FREM3: variants seen among roughly 807,000 people sequenced by gnomAD.
FREM3 encodes the protein FRAS1 related extracellular matrix 3.
Under a neutral mutation model 129.1 loss-of-function variants are expected in FREM3, and 105 were observed. The ratio of observed to expected loss-of-function variants is 0.81; its 90% CI spans 0.69 to 0.96. The LOEUF (loss-of-function observed/expected upper bound fraction) is 0.96. Ranked by LOEUF, FREM3 falls within the 40% of genes least tolerant of loss-of-function variation. The pLI is 0.00. For synonymous variants in FREM3, 1,014 were observed against 1,044.9 expected, an observed-to-expected ratio of 0.97 and a Z score of 0.57; for missense variants, 2,593 against 2,666.3, an observed-to-expected ratio of 0.97 and a Z score of 0.61.
chr4:143,636,461 A>G (rs895329625), intron 2 of FREM3, among the ~76,000 whole-genome samples: 2 of 152,038 alleles, frequency 1.3e-5, no homozygotes, highest in African/African-American at 2.4e-5. Flanking sequence ...GTGAAGAAAA[A>G]TAGAAATCTG....
In FREM3 at chr4:143,700,250, C is replaced by T. The variant is rs534508128; in HGVS notation, c.426G>A (p.Gln142=). ...TGTGAGTCGGGGCGTCGTAGCGCAG[C>T]TGCAGCAGCACCCGGGCGCGTCCGG... The part of the protein sequence containing the change: ...HSPGRARVLL[Q]LRYDAPTHTL... The change falls in exon 1 of 8, where the codon CAG becomes CAA. Residue 142 remains glutamine, a synonymous_variant. Transcript: ENST00000329798. 1 of 1,536,722 alleles carries T rather than the reference C, an allele frequency of 6.5e-7. No homozygotes were observed. Among genetic ancestry groups the T allele is most frequent in the African/African-American group, 1.4e-5 (1 of 73,162 alleles).
intron 6 of FREM3, among the ~76,000 whole-genome samples, chr4:143,596,956 C>T (rs1738494544): frequency 6.6e-6 from 1 of 151,872 alleles, no homozygotes; most frequent in Admixed American, 6.6e-5. Context: ...AAAAATCAAG[C>T]TAGGGCTGGA....
At chr4:143,625,581 G>T (rs768516568) in intron 3 of FREM3, among the ~76,000 whole-genome samples, 2 of 152,224 alleles carry the variant, frequency 1.3e-5, no homozygotes, top group African/African-American at 2.4e-5. Context: ...TTGGCCACAT[G>T]TTGGAAGTGG....
Position 143,660,224 on chromosome 4 carries a change from A to C in FREM3, c.5276-32464T>G, listed in dbSNP as rs1244352286. Among the ~76,000 whole-genome samples, 885 of 151,180 alleles carry C rather than the reference A, an allele frequency of 5.9e-3. 8 individuals are homozygous for C. Among genetic ancestry groups the C allele is most frequent in the African/African-American group, 0.02 (828 of 40,538 alleles). The stretch of plus-strand genomic sequence containing the variant: ...GGTTTTTAATGGTTTTAGGTCTAAC[A>C]TTTAAGTCTTTAATCCATCTTGAAT... On this transcript the variant is annotated intron_variant, in intron 2 of 7. Transcript: ENST00000329798.
chr4:143,699,976 G>T lies in FREM3; in HGVS notation c.700C>A (p.Leu234Ile). 1 of 1,506,838 alleles carries T rather than the reference G, an allele frequency of 6.6e-7. No individual in the cohort carries two copies. 93.3% of individuals were successfully genotyped at this position (1,506,838 alleles called of 1,614,324 possible). The change falls in exon 1 of 8, where the codon CTC (leucine) becomes ATC (isoleucine). Residue 234 changes from leucine to isoleucine, a missense_variant. Physicochemically the swap from Leu to Ile is conservative, Grantham distance 5. Around this residue, in one of 2 missense-constraint regions of FREM3, gnomAD observed 2,276 missense variants for 2,267.2 expected, o/e 1.00. Transcript: ENST00000329798. The surrounding 1 kb of genome is among the most constrained non-coding windows in gnomAD (Gnocchi z 4.2). ...GRLVDAVGAP[L>I]PRGKGVDCEA... ...CAGTCTACGCCCTTGCCCCTGGGGA[G>T]AGGGGCCCCCACCGCGTCCACCAAG...
intron 2 of FREM3, among the ~76,000 whole-genome samples, chr4:143,683,039 G>A (rs932119164): frequency 1.3e-5 from 2 of 152,130 alleles, no homozygotes; most frequent in Non-Finnish European, 2.9e-5. Flanking sequence ...ACCCACTTCC[G>A]GCTTTGAAGA....
chr4:143,593,928 C>T (rs1030375254), intron 6 of FREM3, among the ~76,000 whole-genome samples: 3 of 152,224 alleles, frequency 2.0e-5, no homozygotes, highest in East Asian at 1.9e-4. Context: ...TCGGCAATGG[C>T]GGGTGCCCCT....
chr4:143,606,298 T>C (rs935706250), intron 6 of FREM3, among the ~76,000 whole-genome samples: 1 of 152,092 alleles, frequency 6.6e-6, no homozygotes, highest in Non-Finnish European at 1.5e-5. Context: ...TATGTGCATA[T>C]GAAAACATGT....
At chr4:143,681,629 G>A (rs534888338) in intron 2 of FREM3, among the ~76,000 whole-genome samples, 1 of 152,168 alleles carries the variant, frequency 6.6e-6, no homozygotes, top group East Asian at 1.9e-4. Context: ...AGAAATTGAT[G>A]AAACACATAA....
intron 6 of FREM3, among the ~76,000 whole-genome samples, chr4:143,587,356 G>A (rs1738260118): frequency 1.3e-5 from 2 of 152,146 alleles, no homozygotes; most frequent in Non-Finnish European, 2.9e-5. Context: ...TATAACTGTA[G>A]TGATGGAATA....
At chr4:143,600,421 T>A (rs1738552291) in intron 6 of FREM3, among the ~76,000 whole-genome samples, 1 of 152,054 alleles carries the variant, frequency 6.6e-6, no homozygotes, top group Non-Finnish European at 1.5e-5. Context: ...AAATCACCTC[T>A]AAAGAACTTA....
rs536607779 is a variant in FREM3, at chr4:143,663,265, T to G, written c.5275+29848A>C. On this transcript the variant is annotated intron_variant, in intron 2 of 7. Transcript: ENST00000329798. The stretch of plus-strand genomic sequence containing the variant: ...TTTAGTGCTTCCTTCAGGAGCTCTT[T>G]TAGGGCAGGCCTGGTGGTGACAAAA... Among the ~76,000 whole-genome samples the G allele has an allele frequency of 1.3e-4, 20 of 152,242 alleles. No individual in the cohort carries two copies. The South Asian group carries it at 3.5e-3, about 27-fold the overall frequency.
chr4:143,626,434 A>G (rs72723185), intron 3 of FREM3, among the ~76,000 whole-genome samples: 8,296 of 152,214 alleles, frequency 0.055, 300 homozygotes, highest in South Asian at 0.097. Flanking sequence ...AGGATTTCCA[A>G]AGGGTTCAGT....
intron 2 of FREM3, among the ~76,000 whole-genome samples, chr4:143,666,536 G>A (rs78471050): frequency 0.026 from 3,923 of 152,078 alleles, 174 homozygotes; most frequent in African/African-American, 0.089. Flanking sequence ...TACATACAAC[G>A]GAATATTATT....
intron 2 of FREM3, among the ~76,000 whole-genome samples, chr4:143,661,288 C>G (rs2149852314): frequency 6.6e-6 from 1 of 152,272 alleles, no homozygotes; most frequent in Non-Finnish European, 1.5e-5. Context: ...GAGTTTTTAG[C>G]ATGAAGGTAA....
chr4:143,585,165 A>C lies in FREM3; in HGVS notation c.6178+679T>G, dbSNP rs1738216097. Among the ~76,000 whole-genome samples the C allele has an allele frequency of 6.6e-6, 1 of 152,252 alleles. No homozygotes were observed. The highest frequency in any genetic ancestry group is 2.4e-5 in the African/African-American group (1 of 41,468). On this transcript the variant is annotated intron_variant, in intron 7 of 7. Transcript: ENST00000329798. This position sits in a 1 kb window ranked among gnomAD's most constrained non-coding sequence, Gnocchi z 4.2. ...AAAGTTTATAGTGCTAAATGCTCAC[A>C]TCAAAAAGTTAGAAAGATATAAAAT...
intron 2 of FREM3, among the ~76,000 whole-genome samples, chr4:143,675,560 T>C (rs1414046668): frequency 5.9e-5 from 9 of 151,888 alleles, no homozygotes; most frequent in African/African-American, 2.2e-4. Flanking sequence ...CTGAGGGAGA[T>C]AGAGACACAA....
At chr4:143,592,328 C>T (rs1738379741) in intron 6 of FREM3, among the ~76,000 whole-genome samples, 1 of 152,170 alleles carries the variant, frequency 6.6e-6, no homozygotes, top group African/African-American at 2.4e-5. Flanking sequence ...GCAGTTTCTT[C>T]CTAGCCTTGA....
chr4:143,618,187 G>T (rs1006967799), intron 5 of FREM3, among the ~76,000 whole-genome samples: 2 of 152,032 alleles, frequency 1.3e-5, no homozygotes, highest in Non-Finnish European at 2.9e-5. Context: ...TAGGATGGAG[G>T]AGTGCTGCTT....
Sources: gnomAD v4.1 joint callset for allele counts (sites outside exome capture counted in the v4.1 genomes callset) on GRCh38, gnomAD v4.1.1 for gene constraint, gnomAD v4.1.1 regional missense constraint, Gnocchi (gnomAD v3.1) non-coding constraint, MANE v1.5 for transcripts, NCBI Gene and HGNC (gene_info 2026-07-23, HGNC 2026-07-21) for gene names.